ZSWIM6: variants seen among roughly 807,000 people sequenced by gnomAD.
ZSWIM6 encodes zinc finger SWIM-type containing 6, also known as zinc finger SWIM domain-containing protein 6.
Under a neutral mutation model 113.2 loss-of-function variants are expected in ZSWIM6, and 9 were observed. The ratio of observed to expected loss-of-function variants is 0.08; its 90% CI spans 0.05 to 0.14. ZSWIM6 has a LOEUF of 0.14. ZSWIM6 is among the 10% of genes least tolerant of loss of function. ZSWIM6 has a pLI of 1.00. For synonymous variants in ZSWIM6, 611 were observed against 606.5 expected (o/e 1.01, Z -0.11); for missense variants, 1,162 against 1,552.2 (o/e 0.75, Z 4.22).
Position 61,472,586 on chromosome 5 carries a change from C to T in ZSWIM6, c.677-95C>T. 1 of 970,912 alleles carries T rather than the reference C, an allele frequency of 1.0e-6. No homozygotes were observed. Among genetic ancestry groups the T allele is most frequent in the Non-Finnish European group, 1.4e-6 (1 of 693,530 alleles). The allele number at this position is 970,912 out of a possible 1,614,324, so 60.1% of individuals were successfully genotyped here. A position where few individuals can be genotyped will look rare whatever the true frequency, so the allele number is the denominator to read the frequency against. ...TAGAGGCTGTCATATTTTTTTCTTG[C>T]TGCTGTCAAGTCCCACACATTTCAA... is the stretch of plus-strand genomic sequence containing the variant. On this transcript the variant is annotated intron_variant, in intron 1 of 13. Transcript: ENST00000252744. This position sits in a 1 kb window ranked among gnomAD's most constrained non-coding sequence, Gnocchi z 4.1.
In ZSWIM6 at chr5:61,525,945, C is replaced by G. The variant is rs373154639; in HGVS notation, c.1659C>G (p.Leu553=). The G allele has an allele frequency of 4.5e-6, 7 of 1,552,064 alleles. No homozygotes were observed. The Admixed American group carries it at 1.4e-4, about 30-fold the overall frequency. The stretch of plus-strand genomic sequence containing the variant: ...ACCATGACGACACTGAAAACTCCCT[C>G]TTCGACTCCCGCGGGTGGCCCCTCT... ...YCYHDDTENS[L]FDSRGWPLWH... is the part of the protein sequence containing the mutation. Residue 553 remains leucine (L), a synonymous_variant, in exon 6 of 14, where the codon CTC becomes CTG. Transcript: ENST00000252744.
intron 12 of ZSWIM6, among the ~76,000 whole-genome samples, chr5:61,540,494 C>G (rs1236165254): frequency 6.6e-6 from 1 of 152,094 alleles, no homozygotes; most frequent in African/African-American, 2.4e-5. Context: ...GATAATTAAT[C>G]TGGTGTTTTA....
At chr5:61,504,297 A>G (rs1260701434) in intron 4 of ZSWIM6, among the ~76,000 whole-genome samples, 1 of 152,238 alleles carries the variant, frequency 6.6e-6, no homozygotes. Flanking sequence ...CAGAAGGGCA[A>G]TGATTCTCCC....
At chr5:61,540,672 T>A (rs1749704170) in intron 12 of ZSWIM6, among the ~76,000 whole-genome samples, 1 of 152,140 alleles carries the variant, frequency 6.6e-6, no homozygotes, top group African/African-American at 2.4e-5. Flanking sequence ...TAATTCTTGT[T>A]ATTTGGCTAA....
rs1561239298 is a variant in ZSWIM6, at chr5:61,442,844, ATTTAT to A, written c.677-29836_677-29832del. On this transcript the variant is annotated intron_variant, in intron 1 of 13. Transcript: ENST00000252744. The stretch of plus-strand genomic sequence containing the variant: ...GGGAGAGAAATGTGCCTTAAATTCT[ATTTAT>A]AAGAGTATACTCTACTCCATTGTTT... 2.0e-5 allele frequency among the ~76,000 whole-genome samples: 3 copies of A among 152,328 alleles called. No homozygotes were observed. In the East Asian group the frequency reaches 5.8e-4, roughly 29 times the overall value.
intron 1 of ZSWIM6, among the ~76,000 whole-genome samples, chr5:61,429,394 G>C (rs573063041): frequency 6.6e-6 from 1 of 152,196 alleles, no homozygotes; most frequent in African/African-American, 2.4e-5. Context: ...AGAGAAGGGC[G>C]TTGGGAATGA....
In ZSWIM6 at chr5:61,540,916, GTT is replaced by G. The variant is rs34749703; in HGVS notation, c.2704-948_2704-947del. The stretch of plus-strand genomic sequence containing the variant: ...TATGATGTCCCTGGATATTTTGTGG[GTT>G]TTTTTTTTTTTTTTTTTTTGTTGTT... On this transcript the variant is annotated intron_variant, in intron 12 of 13. Coordinates refer to ENST00000252744, the MANE Select transcript of ZSWIM6 (RefSeq NM_020928.2). Among the ~76,000 whole-genome samples the G allele has an allele frequency of 2.1e-3, 199 of 94,576 alleles. 1 individual carries two copies. The highest frequency in any genetic ancestry group is 0.011 in the South Asian group (31 of 2,712). 62.0% of individuals were successfully genotyped at this position (94,576 alleles called of 152,430 possible). A position where few individuals can be genotyped will look rare whatever the true frequency, so the allele number is the denominator to read the frequency against.
chr5:61,416,259 G>T (rs2112119259), intron 1 of ZSWIM6, among the ~76,000 whole-genome samples: 1 of 152,318 alleles, frequency 6.6e-6, no homozygotes, highest in South Asian at 2.1e-4. Flanking sequence ...CTGTTAAGAT[G>T]AGTCAATTCT....
chr5:61,542,309 G>A (rs1270022050), intron 13 of ZSWIM6, among the ~76,000 whole-genome samples: 1 of 152,208 alleles, frequency 6.6e-6, no homozygotes, highest in Non-Finnish European at 1.5e-5. Context: ...ATGGTATCCA[G>A]CAGAGAAGTG....
chr5:61,497,432 TC>T (rs930654008), intron 4 of ZSWIM6, among the ~76,000 whole-genome samples: 4 of 152,172 alleles, frequency 2.6e-5, no homozygotes, highest in South Asian at 2.1e-4. Flanking sequence ...CCCAATTTCT[TC>T]CCCCCATGCT....
At chr5:61,432,887 C>T (rs1746617126) in intron 1 of ZSWIM6, among the ~76,000 whole-genome samples, 1 of 152,192 alleles carries the variant, frequency 6.6e-6, no homozygotes, top group African/African-American at 2.4e-5. Flanking sequence ...ACATAACTCA[C>T]ACCTTCCATA....
At chr5:61,447,143 C>G (rs1318784542) in intron 1 of ZSWIM6, among the ~76,000 whole-genome samples, 1 of 151,944 alleles carries the variant, frequency 6.6e-6, no homozygotes, top group Non-Finnish European at 1.5e-5. Context: ...AGCGTGAAAG[C>G]CTGGATACAT....
intron 1 of ZSWIM6, among the ~76,000 whole-genome samples, chr5:61,361,276 T>C (rs1484871994): frequency 1.3e-5 from 2 of 152,186 alleles, no homozygotes; most frequent in East Asian, 3.9e-4. Flanking sequence ...AAACTGACTT[T>C]GTGTGATGAA....
At chr5:61,452,625 A>C (rs1480837533) in intron 1 of ZSWIM6, among the ~76,000 whole-genome samples, 1 of 152,196 alleles carries the variant, frequency 6.6e-6, no homozygotes, top group Admixed American at 6.5e-5. Flanking sequence ...GAAAAGTTGC[A>C]AAATAGCACA....
rs74520040 is a variant in ZSWIM6 at position 61,493,660 on chromosome 5, T to C, written c.1183-600T>C. On this transcript the variant is annotated intron_variant, in intron 3 of 13. Transcript: ENST00000252744. ...TTAGGCTAGCAAACTTATGGCATCT[T>C]ACTAAAATTATGGCATCTTATTTTA... Among the ~76,000 whole-genome samples the C allele has an allele frequency of 6.4e-3, 980 of 152,280 alleles. 8 individuals carry two copies. Among genetic ancestry groups the C allele is most frequent in the African/African-American group, 0.02 (850 of 41,582 alleles).
chr5:61,506,035 T>G (rs1023521094), intron 4 of ZSWIM6, among the ~76,000 whole-genome samples: 27 of 151,618 alleles, frequency 1.8e-4, no homozygotes, highest in African/African-American at 6.1e-4. Context: ...CGTGAGCCAC[T>G]GCGCCCGGCA....
chr5:61,480,749 C>CT (rs1747835769), intron 2 of ZSWIM6, among the ~76,000 whole-genome samples: 1 of 152,134 alleles, frequency 6.6e-6, no homozygotes, highest in Admixed American at 6.6e-5. Context: ...TAAAGAAAGA[C>CT]ATTTTTTTGA....
intron 4 of ZSWIM6, among the ~76,000 whole-genome samples, chr5:61,514,616 T>A (rs1057479418): frequency 6.6e-6 from 1 of 152,168 alleles, no homozygotes; most frequent in Non-Finnish European, 1.5e-5. Flanking sequence ...GATTTTTCTG[T>A]ATCTGTTGAG....
chr5:61,447,654 C>T (rs1003599619), intron 1 of ZSWIM6, among the ~76,000 whole-genome samples: 4 of 152,152 alleles, frequency 2.6e-5, no homozygotes, highest in African/African-American at 9.7e-5. Flanking sequence ...TAAGAATTCT[C>T]CTGGCTTGCA....
Sources: gnomAD v4.1 joint callset for allele counts (sites outside exome capture counted in the v4.1 genomes callset) on GRCh38, gnomAD v4.1.1 for gene constraint, Gnocchi (gnomAD v3.1) non-coding constraint, MANE v1.5 for transcripts, NCBI Gene and HGNC (gene_info 2026-07-23, HGNC 2026-07-21) for gene names.